The following AGBL1 variants were observed in gnomAD, a reference collection of about 807,000 sequenced individuals.
AGBL1 encodes cytosolic carboxypeptidase 4.
Under a neutral mutation model 118.9 loss-of-function variants are expected in AGBL1, and 130 were observed. That is an observed-to-expected ratio of 1.09 (90% CI 0.95 to 1.26). The LOEUF (loss-of-function observed/expected upper bound fraction) is 1.26. Among genes scored for constraint, AGBL1 ranks in the 50% most tolerant of loss-of-function variants. AGBL1 has a pLI of 0.00. For synonymous variants in AGBL1, 555 were observed against 478.9 expected, an observed-to-expected ratio of 1.16 and a Z score of -2.08; for missense variants, 1,584 against 1,298.1, an observed-to-expected ratio of 1.22 and a Z score of -3.38.
intron 18 of AGBL1, among the ~76,000 whole-genome samples, chr15:86,477,122 GA>G (rs2082571419): frequency 6.6e-6 from 1 of 152,096 alleles, no homozygotes; most frequent in Non-Finnish European, 1.5e-5. Context: ...GCCCACAAGA[GA>G]AAGCAGGAAA....
chr15:86,273,444 T>A (rs1417926523), intron 15 of AGBL1, among the ~76,000 whole-genome samples: 3 of 152,358 alleles, frequency 2.0e-5, no homozygotes, highest in Non-Finnish European at 1.5e-5. Flanking sequence ...GTTTTATAAT[T>A]ATTCACCACG....
chr15:86,114,069 T>C (rs1897605381), intron 1 of AGBL1, among the ~76,000 whole-genome samples: 1 of 152,258 alleles, frequency 6.6e-6, no homozygotes, highest in Non-Finnish European at 1.5e-5. Context: ...AAGACTATAT[T>C]TGTTAATAAC....
At chr15:86,964,211 A>C (rs1299453354) in intron 23 of AGBL1, among the ~76,000 whole-genome samples, 1 of 152,090 alleles carries the variant, frequency 6.6e-6, no homozygotes, top group African/African-American at 2.4e-5. Flanking sequence ...AGGACTCTTC[A>C]ATCACTCTTT....
intron 21 of AGBL1, among the ~76,000 whole-genome samples, chr15:86,667,497 TG>T (rs2142532678): frequency 6.6e-6 from 1 of 152,290 alleles, no homozygotes; most frequent in South Asian, 2.1e-4. Flanking sequence ...ATTTATATCT[TG>T]CTCCACTGTC....
chr15:86,331,503 A>C (rs1402493780), intron 17 of AGBL1, among the ~76,000 whole-genome samples: 1 of 152,174 alleles, frequency 6.6e-6, no homozygotes, highest in East Asian at 1.9e-4. Context: ...TATAATCACC[A>C]GACTGTCCAA....
intron 1 of AGBL1, among the ~76,000 whole-genome samples, 163 bp from the exon 2 acceptor site, chr15:86,141,841 G>A (rs909103605): frequency 1.3e-5 from 2 of 152,196 alleles, no homozygotes; most frequent in Admixed American, 1.3e-4. Flanking sequence ...GGGAGGCACA[G>A]CCCCTGGGTC....
chr15:86,264,666 C>G lies in AGBL1; in HGVS notation c.1495C>G (p.Leu499Val). ...REVVKVIDKL[L>V]QTHLKRVPFH... ...AGTTGTCAAAGTAATAGATAAGCTT[C>G]TGCAGACACATCTGAAGCGTGTCCC... The change falls in exon 11 of 23, where the codon CTG becomes GTG. Residue 499 changes from leucine (L) to valine (V), a missense_variant. Coordinates refer to ENST00000614907, the MANE Select transcript of AGBL1 (RefSeq NM_001386094.1). The G allele has an allele frequency of 6.2e-7, 1 of 1,614,042 alleles. No homozygotes were observed.
intron 21 of AGBL1, among the ~76,000 whole-genome samples, chr15:86,576,701 T>G (rs2084096914): frequency 6.6e-6 from 1 of 152,192 alleles, no homozygotes; most frequent in African/African-American, 2.4e-5. Flanking sequence ...AGGGACTTGA[T>G]AGAAGGTAAT....
intron 24 of AGBL1, among the ~76,000 whole-genome samples, chr15:87,022,093 G>A (rs192422355): frequency 4.9e-4 from 75 of 152,156 alleles, no homozygotes; most frequent in African/African-American, 1.8e-3. Context: ...ATAGGAAAAG[G>A]GGGAGAGTAC....
chr15:86,572,456 A>G (rs1414837685), intron 21 of AGBL1, among the ~76,000 whole-genome samples: 1 of 152,122 alleles, frequency 6.6e-6, no homozygotes, highest in Non-Finnish European at 1.5e-5. Context: ...GACGGCTGGC[A>G]GCTCAGCCCG....
intron 18 of AGBL1, among the ~76,000 whole-genome samples, chr15:86,409,576 T>G (rs1249481850): frequency 1.3e-5 from 2 of 152,168 alleles, no homozygotes; most frequent in African/African-American, 4.8e-5. Context: ...AAATTTAGAG[T>G]TATTAATTAT....
At chr15:86,200,070 G>A (rs983168210) in intron 5 of AGBL1, among the ~76,000 whole-genome samples, 2 of 152,174 alleles carry the variant, frequency 1.3e-5, no homozygotes, top group African/African-American at 2.4e-5. Flanking sequence ...CCATGCAAAC[G>A]CTGTTAATTG....
chr15:86,264,639 G>A lies in AGBL1; in HGVS notation c.1468G>A (p.Glu490Lys). The change falls in exon 11 of 23, where the codon GAA becomes AAA. Residue 490 changes from glutamate (E) to lysine (K), a missense_variant. Glu to Lys is a moderately conservative substitution (Grantham distance 56). Transcript: ENST00000614907. Reference protein sequence around the residue: ...ASFSNSTRTREVVKVIDKLLQ... With the variant: ...ASFSNSTRTRKVVKVIDKLLQ... ...CTTTTCTAATTCCACTAGGACTAGA[G>A]AAGTTGTCAAAGTAATAGATAAGCT... is the stretch of plus-strand genomic sequence containing the variant. 6.2e-7 allele frequency: 1 copy of A among 1,613,976 alleles called. No homozygotes were observed. The highest frequency in any genetic ancestry group is 8.5e-7 in the Non-Finnish European group (1 of 1,179,878).
Position 86,887,466 on chromosome 15 carries a change from T to A in AGBL1, c.3159-19621T>A, listed in dbSNP as rs536015837. On this transcript the variant is annotated intron_variant, in intron 22 of 22. Coordinates refer to ENST00000614907, the MANE Select transcript of AGBL1 (RefSeq NM_001386094.1). ...GCGCAGTTTATACCTGCACCTCTAG[T>A]ATTGTTTAAGCATCTCTCTCAAGCC... 9.8e-5 allele frequency among the ~76,000 whole-genome samples: 15 copies of A among 152,352 alleles called. No individual in the cohort carries two copies. The South Asian group carries it at 3.1e-3, about 32-fold the overall frequency.
Position 86,778,516 on chromosome 15 carries a change from C to T in AGBL1, c.3158+104080C>T, listed in dbSNP as rs917300224. Reference sequence around the variant, plus strand: ...AGAGGCCTACCCTCAGGGACGCATTCTCTTTCTCAGGGATGTTCCTTGCTG... The same window carrying T: ...AGAGGCCTACCCTCAGGGACGCATTTTCTTTCTCAGGGATGTTCCTTGCTG... On this transcript the variant is annotated intron_variant, in intron 22 of 22. Coordinates refer to ENST00000614907, the MANE Select transcript of AGBL1 (RefSeq NM_001386094.1). Among the ~76,000 whole-genome samples the T allele has an allele frequency of 8.4e-4, 128 of 152,160 alleles. 1 individual carries two copies. Among genetic ancestry groups the T allele is most frequent in the Admixed American group, 8.4e-3 (128 of 15,260 alleles).
At chr15:86,856,753 T>C (rs2079487803) in intron 22 of AGBL1, among the ~76,000 whole-genome samples, 1 of 152,234 alleles carries the variant, frequency 6.6e-6, no homozygotes, top group East Asian at 1.9e-4. Context: ...CTGTTGTCTG[T>C]GGAACATAAG....
intron 7 of AGBL1, among the ~76,000 whole-genome samples, chr15:86,255,059 C>T (rs900839970): frequency 3.9e-5 from 6 of 152,170 alleles, no homozygotes; most frequent in African/African-American, 1.4e-4. Context: ...ACAAAAAAGA[C>T]ATGATTATCT....
At chr15:86,348,829 G>A (rs989851722) in intron 17 of AGBL1, among the ~76,000 whole-genome samples, 11 of 150,548 alleles carry the variant, frequency 7.3e-5, no homozygotes, top group Non-Finnish European at 1.3e-4. Flanking sequence ...GTGGGTTAAG[G>A]CCAGGTATCT....
At chr15:86,211,176 G>A (rs2078090756) in intron 5 of AGBL1, among the ~76,000 whole-genome samples, 1 of 152,282 alleles carries the variant, frequency 6.6e-6, no homozygotes, top group East Asian at 1.9e-4. Flanking sequence ...TTGCATTACA[G>A]CAAATATTGC....
Sources: gnomAD v4.1 joint callset for allele counts (sites outside exome capture counted in the v4.1 genomes callset) on GRCh38, gnomAD v4.1.1 for gene constraint, MANE v1.5 for transcripts, NCBI Gene and HGNC (gene_info 2026-07-23, HGNC 2026-07-21) for gene names.